The following DCC variants were observed in gnomAD, a reference collection of about 807,000 sequenced individuals.
DCC encodes DCC netrin 1 receptor.
In DCC, 58 loss-of-function variants were observed where a neutral mutation model predicts 172.5. The ratio of observed to expected loss-of-function variants is 0.34; its 90% CI spans 0.27 to 0.42. The LOEUF is 0.42. Ranked by LOEUF, DCC falls within the 10% of genes least tolerant of loss-of-function variation. The probability of loss-of-function intolerance (pLI) is 1.00; values close to 1 mark genes in which losing one functional copy is unlikely to be tolerated. For synonymous variants in DCC, 709 were observed against 644.5 expected (o/e 1.10, Z -1.52); for missense variants, 1,740 against 1,791.0 (o/e 0.97, Z 0.51).
chr18:53,119,893 G>C lies in DCC; in HGVS notation c.1262-37463G>C, dbSNP rs115420790. Among the ~76,000 whole-genome samples the C allele has an allele frequency of 6.8e-3, 1,029 of 151,906 alleles. 15 individuals carry two copies. The highest frequency in any genetic ancestry group is 0.023 in the African/African-American group (962 of 41,496). On this transcript the variant is annotated intron_variant, in intron 7 of 28. Transcript: ENST00000442544. ...ATTCTACACATCTTGGATAGGATGTGATTTGTAAAAAGGAATATACAAATT... is the reference window on the plus strand; with the variant it reads ...ATTCTACACATCTTGGATAGGATGTCATTTGTAAAAAGGAATATACAAATT...
At chr18:52,695,384 T>C (rs1046904320) in intron 1 of DCC, among the ~76,000 whole-genome samples, 2 of 152,212 alleles carry the variant, frequency 1.3e-5, no homozygotes, top group Non-Finnish European at 2.9e-5. Flanking sequence ...TTAATGACAG[T>C]AGTCCCTTCA....
intron 5 of DCC, among the ~76,000 whole-genome samples, chr18:53,050,972 G>A (rs566328997): frequency 3.3e-5 from 5 of 152,296 alleles, no homozygotes; most frequent in Admixed American, 2.6e-4. Flanking sequence ...GCTTATGCCT[G>A]TAATTTCAGC....
At chr18:52,715,214 T>C (rs1255711621) in intron 1 of DCC, among the ~76,000 whole-genome samples, 1 of 151,326 alleles carries the variant, frequency 6.6e-6, no homozygotes, top group East Asian at 1.9e-4. Flanking sequence ...TTATCATGTA[T>C]ATATAAAATA....
At chr18:52,607,323 T>C (rs1221512640) in intron 1 of DCC, among the ~76,000 whole-genome samples, 1 of 152,116 alleles carries the variant, frequency 6.6e-6, no homozygotes, top group Non-Finnish European at 1.5e-5. Flanking sequence ...GGGATGAACA[T>C]GTCTTTCCTT....
At chr18:52,816,343 A>G (rs972958847) in intron 2 of DCC, among the ~76,000 whole-genome samples, 1 of 152,192 alleles carries the variant, frequency 6.6e-6, no homozygotes, top group Non-Finnish European at 1.5e-5. Flanking sequence ...AGTCAACGAA[A>G]ACATTCCTCT....
chr18:53,155,417 C>T (rs2054714474), intron 7 of DCC, among the ~76,000 whole-genome samples: 1 of 152,058 alleles, frequency 6.6e-6, no homozygotes, highest in South Asian at 2.1e-4. Flanking sequence ...ACACGTATTC[C>T]CTAGACTTGA....
chr18:52,754,033 T>C (rs1419986335), intron 2 of DCC: 1 of 152,196 alleles, frequency 6.6e-6, no homozygotes, highest in Non-Finnish European at 1.5e-5. Flanking sequence ...AAAAACAATA[T>C]TGAATCATAG....
intron 1 of DCC, among the ~76,000 whole-genome samples, chr18:52,424,009 G>A (rs1279247086): frequency 6.6e-6 from 1 of 152,176 alleles, no homozygotes; most frequent in African/African-American, 2.4e-5. Flanking sequence ...CAAAAGTCCA[G>A]GATATGGCTC....
At chr18:52,918,144 A>C (rs1360712660) in intron 3 of DCC, among the ~76,000 whole-genome samples, 1 of 152,180 alleles carries the variant, frequency 6.6e-6, no homozygotes, top group African/African-American at 2.4e-5. Flanking sequence ...ATGACCATGT[A>C]TGTGTCAACC....
At chr18:52,360,996 CT>C (rs1167299678) in intron 1 of DCC, among the ~76,000 whole-genome samples, 2 of 152,172 alleles carry the variant, frequency 1.3e-5, no homozygotes, top group Admixed American at 6.5e-5. Context: ...TATTCTATTA[CT>C]TACAAGCTTT....
chr18:52,478,427 G>T (rs775298922), intron 1 of DCC, among the ~76,000 whole-genome samples: 3 of 152,158 alleles, frequency 2.0e-5, no homozygotes, highest in Non-Finnish European at 4.4e-5. Context: ...TTTCACACAA[G>T]TCTCCAATAT....
chr18:53,348,367 C>A (rs1046914180), intron 15 of DCC, among the ~76,000 whole-genome samples: 14 of 152,188 alleles, frequency 9.2e-5, no homozygotes, highest in African/African-American at 3.4e-4. Context: ...TGATGCAAGA[C>A]GTGGGTTCCC....
At chr18:52,737,466 T>G (rs1039680584) in intron 1 of DCC, among the ~76,000 whole-genome samples, 1 of 152,222 alleles carries the variant, frequency 6.6e-6, no homozygotes, top group Non-Finnish European at 1.5e-5. Context: ...TCATGGAAGA[T>G]TAAAACACAC....
At chr18:52,388,707 C>A (rs184592203) in intron 1 of DCC, among the ~76,000 whole-genome samples, 1 of 152,012 alleles carries the variant, frequency 6.6e-6, no homozygotes, top group African/African-American at 2.4e-5. Flanking sequence ...TTTTTCCTTC[C>A]AGGGCCTTCT....
intron 1 of DCC, among the ~76,000 whole-genome samples, chr18:52,491,390 T>G (rs986272974): frequency 4.6e-4 from 70 of 152,106 alleles, no homozygotes; most frequent in Admixed American, 2.9e-3. Flanking sequence ...GTTGCTTAAT[T>G]TTTTATGGGG....
chr18:53,272,213 G>A (rs540920371), intron 12 of DCC, among the ~76,000 whole-genome samples: 1 of 152,266 alleles, frequency 6.6e-6, no homozygotes, highest in South Asian at 2.1e-4. Context: ...ATCAGATGGA[G>A]TATTGGTTTA....
Position 53,505,477 on chromosome 18 carries a change from A to T in DCC, c.4111+5967A>T, listed in dbSNP as rs545051673. 2.6e-5 allele frequency among the ~76,000 whole-genome samples: 4 copies of T among 151,984 alleles called. No individual in the cohort carries two copies. In the South Asian group the frequency reaches 8.3e-4, roughly 32 times the overall value. On this transcript the variant is annotated intron_variant, in intron 27 of 28. Coordinates refer to ENST00000442544, the MANE Select transcript of DCC (RefSeq NM_005215.4). The stretch of plus-strand genomic sequence containing the variant: ...GCTAGTATTTTTCAGAATTGCAAAA[A>T]CTTCTTTTGGGGAGGGAGTGAATGA...
Position 52,831,400 on chromosome 18 carries a change from T to G in DCC, c.413-74644T>G, listed in dbSNP as rs1275296089. ...AAGCACATCGTTCTGGCTGCTGTGT[T>G]GCGCTGGAATATGGGAGGGCAGGCG... On this transcript the variant is annotated intron_variant, in intron 2 of 28. Coordinates refer to ENST00000442544, the MANE Select transcript of DCC (RefSeq NM_005215.4). 5.9e-5 allele frequency among the ~76,000 whole-genome samples: 9 copies of G among 152,142 alleles called. No individual in the cohort carries two copies. In the East Asian group the frequency reaches 1.7e-3, roughly 29 times the overall value.
chr18:52,704,478 T>C (rs1003129520), intron 1 of DCC, among the ~76,000 whole-genome samples: 1 of 152,244 alleles, frequency 6.6e-6, no homozygotes, highest in Admixed American at 6.5e-5. Flanking sequence ...TTTTCAATTA[T>C]ATTCAAAATT....
Sources: allele counts gnomAD v4.1 joint callset (sites outside exome capture counted in the v4.1 genomes callset), GRCh38; gene constraint gnomAD v4.1.1; transcripts MANE v1.5; gene names NCBI Gene and HGNC (gene_info 2026-07-23, HGNC 2026-07-21).